Variants in PLSCR2 observed in about 807,000 individuals in gnomAD.
PLSCR2 encodes the protein PL scramblase 2.
Under a neutral mutation model 25.3 loss-of-function variants are expected in PLSCR2, and 18 were observed. The ratio of observed to expected loss-of-function variants is 0.71; its 90% CI spans 0.49 to 1.06. The LOEUF (loss-of-function observed/expected upper bound fraction) is 1.06. Ranked by LOEUF, PLSCR2 falls within the 50% of genes least tolerant of loss-of-function variation. PLSCR2 has a pLI of 0.00. For missense variants in PLSCR2, 243 were observed against 269.5 expected (o/e 0.90, Z 0.69); for synonymous variants, 88 against 87.3 (o/e 1.01, Z -0.04).
chr3:146,494,408 G>A (rs1277506958), intron 1 of PLSCR2, among the ~76,000 whole-genome samples: 2 of 151,996 alleles, frequency 1.3e-5, no homozygotes, highest in Admixed American at 1.3e-4. Context: ...GTATATTACT[G>A]TTTTTCATGT....
In PLSCR2 at chr3:146,408,036, G is replaced by A. The variant is rs78792320; in HGVS notation, c.101-12115C>T. Reference sequence around the variant, plus strand: ...CTAACAGTAAACTCTGATACTGCCAGGATGCGAGCATTTGACATCCATTCA... The same window carrying A: ...CTAACAGTAAACTCTGATACTGCCAAGATGCGAGCATTTGACATCCATTCA... On this transcript the variant is annotated intron_variant and NMD_transcript_variant, in intron 2 of 3. Coordinates refer to the PLSCR2 transcript ENST00000463633. Among the ~76,000 whole-genome samples the A allele has an allele frequency of 6.3e-4, 96 of 152,308 alleles. No homozygotes were observed. The East Asian group carries it at 0.018, about 29-fold the overall frequency.
intron 1 of PLSCR2, 191 bp downstream of exon 1, chr3:146,469,304 G>T: frequency 1.0e-6 from 1 of 985,580 alleles, no homozygotes; most frequent in African/African-American, 1.7e-5. Context: ...TCTGGTGTGA[G>T]CCAGGGTACA....
chr3:146,490,614 G>C (rs190661882), intron 1 of PLSCR2, among the ~76,000 whole-genome samples: 2 of 152,182 alleles, frequency 1.3e-5, no homozygotes, highest in Non-Finnish European at 2.9e-5. Flanking sequence ...GTTATGTAAT[G>C]CTTTGACTTT....
chr3:146,419,731 C>G lies in PLSCR2; in HGVS notation c.101-23810G>C, dbSNP rs142106082. Among the ~76,000 whole-genome samples the G allele has an allele frequency of 1.9e-3, 292 of 152,094 alleles. 7 individuals carry two copies. The East Asian group carries it at 0.046, about 24-fold the overall frequency. Reference sequence around the variant, plus strand: ...GCTGCCTGTATCCCTTGGTTTGTGGCCTCCTTCCTCCATCTTCACAATCAG... The same window carrying G: ...GCTGCCTGTATCCCTTGGTTTGTGGGCTCCTTCCTCCATCTTCACAATCAG... On this transcript the variant is annotated intron_variant and NMD_transcript_variant, in intron 2 of 3. Coordinates refer to the PLSCR2 transcript ENST00000463633.
intron 1 of PLSCR2, among the ~76,000 whole-genome samples, chr3:146,478,448 A>T (rs528817909): frequency 3.9e-5 from 6 of 152,354 alleles, no homozygotes; most frequent in African/African-American, 1.4e-4. Context: ...AGATGCATGC[A>T]CAAGCTTCAG....
At chr3:146,415,247 A>G (rs373461355) in intron 2 of PLSCR2, 4 of 152,612 alleles carry the variant, frequency 2.6e-5, no homozygotes, top group African/African-American at 9.6e-5. Context: ...CTTAATATTT[A>G]CATTTAGGAT....
intron 2 of PLSCR2, among the ~76,000 whole-genome samples, chr3:146,400,776 A>T (rs1168877298): frequency 6.6e-6 from 1 of 151,832 alleles, no homozygotes; most frequent in East Asian, 1.9e-4. Context: ...TGATGATCCT[A>T]GCTCCGTGTG....
downstream of PLSCR2, among the ~76,000 whole-genome samples, chr3:146,440,453 C>T (rs2040166674): frequency 1.3e-5 from 2 of 152,230 alleles, no homozygotes; most frequent in South Asian, 4.1e-4. Flanking sequence ...GCTTTGTTTA[C>T]CTACTCAAGC....
chr3:146,459,821 C>CTGAGTA, intron 2 of PLSCR2, 27 bp downstream of exon 2: 1 of 1,142,416 alleles, frequency 8.8e-7, no homozygotes, highest in East Asian at 2.8e-5. Flanking sequence ...TTTTTTTTTT[C>CTGAGTA]TGAGTATTTT....
intron 1 of PLSCR2, among the ~76,000 whole-genome samples, chr3:146,491,058 T>A (rs1159967727): frequency 6.6e-6 from 1 of 152,098 alleles, no homozygotes; most frequent in Non-Finnish European, 1.5e-5. Flanking sequence ...ACAAATTCCT[T>A]AGAATTTGCT....
At chr3:146,478,595 GAA>G (rs2043015209) in intron 1 of PLSCR2, among the ~76,000 whole-genome samples, 2 of 152,188 alleles carry the variant, frequency 1.3e-5, no homozygotes, top group Non-Finnish European at 2.9e-5. Context: ...GGAGCTATGT[GAA>G]AAGACTAAAT....
At chr3:146,401,808 A>C (rs1234397841) in intron 2 of PLSCR2, among the ~76,000 whole-genome samples, 1 of 151,920 alleles carries the variant, frequency 6.6e-6, no homozygotes, top group Non-Finnish European at 1.5e-5. Flanking sequence ...TTGAATTTCA[A>C]AGAAGTTGAC....
chr3:146,416,780 T>C (rs963223010), intron 2 of PLSCR2, among the ~76,000 whole-genome samples: 1 of 152,244 alleles, frequency 6.6e-6, no homozygotes, highest in African/African-American at 2.4e-5. Flanking sequence ...TTAATATATG[T>C]GGTTTTATAT....
chr3:146,476,883 G>T (rs1369019200), intron 1 of PLSCR2, among the ~76,000 whole-genome samples: 2 of 152,244 alleles, frequency 1.3e-5, no homozygotes, highest in Non-Finnish European at 2.9e-5. Context: ...TAGGGGGAAG[G>T]ATAGTCATGG....
chr3:146,400,244 C>T (rs34535967), intron 2 of PLSCR2, among the ~76,000 whole-genome samples: 71,086 of 151,230 alleles, frequency 0.47, 17,990 homozygotes, highest in South Asian at 0.7. Flanking sequence ...AGGAAATCTA[C>T]AAAAAAGCTA....
rs774818752 is a variant in PLSCR2 at position 146,441,847 on chromosome 3, T to A, written c.646-26A>T. 5 of 1,505,286 alleles carry A rather than the reference T, an allele frequency of 3.3e-6. No homozygotes were observed. In the Admixed American group the frequency reaches 8.7e-5, roughly 26 times the overall value. The allele number at this position is 1,505,286 out of a possible 1,614,324, so 93.2% of individuals were successfully genotyped here. A position where few individuals can be genotyped will look rare whatever the true frequency, so the allele number is the denominator to read the frequency against. ...CTGGATAAAAACAAAAATACAGAAA[T>A]GAATTCTCAGAAACCAAACAGAGAT... On this transcript the variant is annotated intron_variant, in intron 6 of 6. Coordinates refer to ENST00000610787, the Ensembl canonical transcript of PLSCR2.
intron 2 of PLSCR2, among the ~76,000 whole-genome samples, chr3:146,425,345 C>T (rs915330102): frequency 4.6e-5 from 7 of 151,900 alleles, no homozygotes; most frequent in Admixed American, 1.3e-4. Flanking sequence ...AGAAGATGCC[C>T]AAAAGAAACT....
chr3:146,397,441 C>T (rs905605706), intron 2 of PLSCR2, among the ~76,000 whole-genome samples: 1 of 152,020 alleles, frequency 6.6e-6, no homozygotes. Context: ...CTAGTTCTGG[C>T]CCTGTAACTA....
intron 5 of PLSCR2, among the ~76,000 whole-genome samples, chr3:146,452,379 C>T (rs1319892528): frequency 1.3e-5 from 2 of 151,890 alleles, no homozygotes; most frequent in Non-Finnish European, 2.9e-5. Context: ...TATTTATTTG[C>T]AGTGTAAATA....
Sources: gnomAD v4.1 joint callset for allele counts (sites outside exome capture counted in the v4.1 genomes callset) on GRCh38, gnomAD v4.1.1 for gene constraint, MANE v1.5 for transcripts, NCBI Gene and HGNC (gene_info 2026-07-23, HGNC 2026-07-21) for gene names.